CYP3A7: variants seen among roughly 807,000 people sequenced by gnomAD.
The protein encoded by CYP3A7 is cytochrome P450 family 3 subfamily A member 7.
A neutral mutation model predicts 55.2 loss-of-function variants in CYP3A7; 45 were observed. The ratio of observed to expected loss-of-function variants is 0.82; its 90% CI spans 0.64 to 1.05. The LOEUF (loss-of-function observed/expected upper bound fraction) is 1.05. CYP3A7 is among the 50% of genes least tolerant of loss of function. CYP3A7 has a pLI of 0.00. For missense variants in CYP3A7, 548 were observed against 605.3 expected (o/e 0.91, Z 0.99); for synonymous variants, 180 against 207.4 (o/e 0.87, Z 1.13).
chr7:99,707,751 A>G, intron 12 of CYP3A7, 61 bp downstream of exon 12: 1 of 1,602,156 alleles, frequency 6.2e-7, no homozygotes, highest in Non-Finnish European at 8.5e-7. Flanking sequence ...TTTTAAATAT[A>G]TAGACCATTC....
intron 11 of CYP3A7, among the ~76,000 whole-genome samples, chr7:99,708,483 TCTCCTC>T (rs1292101497): frequency 2.6e-5 from 4 of 151,852 alleles, no homozygotes; most frequent in Admixed American, 2.0e-4. Flanking sequence ...CTCTCCTCCT[TCTCCTC>T]CTTCTTCTAA....
rs774504773 is a variant in CYP3A7, at chr7:99,710,726, A to G, written c.1026+6T>C. On this transcript the variant is annotated splice_donor_region_variant and intron_variant, in intron 10 of 12. Coordinates refer to ENST00000336374, the MANE Select transcript of CYP3A7 (RefSeq NM_000765.5). ...CTCCCTCCTTCTCCATGTACTGTCC[A>G]CTCACCTTATTGGGTAAAACTGTAT... is the stretch of plus-strand genomic sequence containing the variant. 5 of 1,613,540 alleles carry G rather than the reference A, an allele frequency of 3.1e-6. No homozygotes were observed. The highest frequency in any genetic ancestry group is 4.2e-6 in the Non-Finnish European group (5 of 1,179,812).
intron 9 of CYP3A7, among the ~76,000 whole-genome samples, chr7:99,711,562 A>T (rs544060094): frequency 1.3e-5 from 2 of 152,322 alleles, no homozygotes; most frequent in East Asian, 3.9e-4. Flanking sequence ...CGAGGTCAGG[A>T]GTTCAAGACC....
Position 99,715,757 on chromosome 7 carries a change from C to T in CYP3A7, c.670+1G>A, listed in dbSNP as rs1813918658. 33 of 1,613,634 alleles carry T rather than the reference C, an allele frequency of 2.0e-5. No individual in the cohort carries two copies. The highest frequency in any genetic ancestry group is 2.8e-5 in the Non-Finnish European group (33 of 1,179,706). On this transcript the variant is annotated splice_donor_variant, in intron 7 of 12. Coordinates refer to ENST00000336374, the MANE Select transcript of CYP3A7 (RefSeq NM_000765.5). LOFTEE classifies it high-confidence loss of function. ...AGAAAAGGAAATAGTAGTCCACATACTTATTGAGAGAACGAATGGATCTAA... is the reference window on the plus strand; with the variant it reads ...AGAAAAGGAAATAGTAGTCCACATATTTATTGAGAGAACGAATGGATCTAA...
intron 3 of CYP3A7, among the ~76,000 whole-genome samples, chr7:99,721,163 A>G (rs117145664): frequency 0.011 from 1,625 of 152,302 alleles, 18 homozygotes; most frequent in Non-Finnish European, 0.015. Context: ...AGGGAACACA[A>G]TGGTTTAAGA....
intron 1 of CYP3A7, among the ~76,000 whole-genome samples, chr7:99,734,558 CT>C (rs1318161640): frequency 6.6e-6 from 1 of 151,802 alleles, no homozygotes; most frequent in African/African-American, 2.4e-5. Flanking sequence ...ATCATAACCT[CT>C]ATATGTTTGT....
chr7:99,709,963 A>G (rs1466135116), intron 10 of CYP3A7, among the ~76,000 whole-genome samples: 1 of 152,188 alleles, frequency 6.6e-6, no homozygotes, highest in Non-Finnish European at 1.5e-5. Context: ...AGAGCATGTG[A>G]TTTCAGTGCC....
chr7:99,715,642 A>C lies in CYP3A7; in HGVS notation c.670+116T>G, dbSNP rs1813913578. 3 of 1,542,418 alleles carry C rather than the reference A, an allele frequency of 1.9e-6. No homozygotes were observed. The Admixed American group carries it at 5.1e-5, about 26-fold the overall frequency. ...GATGGTCGTACATATCTTCAAATGT[A>C]CTACAAACCATTAAACTGTACATTT... On this transcript the variant is annotated intron_variant, in intron 7 of 12. Coordinates refer to ENST00000336374, the MANE Select transcript of CYP3A7 (RefSeq NM_000765.5).
intron 9 of CYP3A7, 44 bp from the exon 10 acceptor site, chr7:99,710,936 A>G (rs1813725994): frequency 6.2e-7 from 1 of 1,612,920 alleles, no homozygotes; most frequent in East Asian, 2.2e-5. Flanking sequence ...AGGTCAATGT[A>G]GGGCATCACA....
intron 2 of CYP3A7, among the ~76,000 whole-genome samples, chr7:99,723,085 A>G (rs1368524922): frequency 6.6e-6 from 1 of 152,204 alleles, no homozygotes; most frequent in Admixed American, 6.5e-5. Context: ...ATGGAAAAGA[A>G]GGTCCGAGGA....
intron 9 of CYP3A7, among the ~76,000 whole-genome samples, chr7:99,711,402 C>T (rs78676479): frequency 0.013 from 1,918 of 152,206 alleles, 26 homozygotes; most frequent in Admixed American, 0.018. Context: ...ACTTAAGAGA[C>T]CAATATTGGA....
intron 4 of CYP3A7, among the ~76,000 whole-genome samples, chr7:99,719,738 C>T (rs2151517933): frequency 6.6e-6 from 1 of 152,288 alleles, no homozygotes; most frequent in African/African-American, 2.4e-5. Context: ...CTTGATCATG[C>T]TGGTCATTGC....
At chr7:99,716,094 G>C (rs1369386158) in intron 6 of CYP3A7, among the ~76,000 whole-genome samples, 188 bp from the exon 7 acceptor site, 3 of 152,176 alleles carry the variant, frequency 2.0e-5, no homozygotes, top group Non-Finnish European at 4.4e-5. Context: ...TGACACAGCT[G>C]GCTCTCCGCT....
chr7:99,728,779 C>T (rs1449723456), intron 2 of CYP3A7, among the ~76,000 whole-genome samples: 1 of 152,158 alleles, frequency 6.6e-6, no homozygotes, highest in Non-Finnish European at 1.5e-5. Context: ...TTTCTGCTTC[C>T]ACTATTGCCC....
At chr7:99,732,993 A>G (rs1814683772) in intron 1 of CYP3A7, among the ~76,000 whole-genome samples, 1 of 152,204 alleles carries the variant, frequency 6.6e-6, no homozygotes, top group African/African-American at 2.4e-5. Flanking sequence ...AGTGACTCTG[A>G]TAATATGTGG....
At chr7:99,708,954 G>A (rs557050442) in intron 11 of CYP3A7, 81 bp downstream of exon 11, 1 of 1,472,886 alleles carries the variant, frequency 6.8e-7, no homozygotes, top group Non-Finnish European at 9.5e-7. Flanking sequence ...GATTGTACAA[G>A]CCCAGACTGT....
Position 99,705,253 on chromosome 7 carries a change from A to G in CYP3A7, c.*247T>C, listed in dbSNP as rs769361752. The G allele has an allele frequency of 3.8e-5, 16 of 425,176 alleles. No homozygotes were observed. Among genetic ancestry groups the G allele is most frequent in the Admixed American group, 1.5e-4 (4 of 26,572 alleles). 26.3% of individuals were successfully genotyped at this position (425,176 alleles called of 1,614,324 possible). ...AACTGGGGGTGGTGGAGATAGTCCTATGAGAAGCAGAGAAGCCAAATCTAC... is the reference window on the plus strand; with the variant it reads ...AACTGGGGGTGGTGGAGATAGTCCTGTGAGAAGCAGAGAAGCCAAATCTAC... On this transcript the variant is annotated 3_prime_UTR_variant, in exon 13 of 13. Coordinates refer to ENST00000336374, the MANE Select transcript of CYP3A7 (RefSeq NM_000765.5).
At chr7:99,719,855 G>C (rs571805092) in intron 4 of CYP3A7, among the ~76,000 whole-genome samples, 6 of 152,096 alleles carry the variant, frequency 3.9e-5, no homozygotes, top group Non-Finnish European at 7.3e-5. Flanking sequence ...AAAATTAGTA[G>C]GGCGTGGTGG....
At chr7:99,717,447 A>G in intron 5 of CYP3A7, 79 bp downstream of exon 5, 1 of 1,594,474 alleles carries the variant, frequency 6.3e-7, no homozygotes, top group Non-Finnish European at 8.6e-7. Flanking sequence ...CTCGGAAAGG[A>G]ACTCTGATCT....
Sources: allele counts gnomAD v4.1 joint callset (sites outside exome capture counted in the v4.1 genomes callset), GRCh38; gene constraint gnomAD v4.1.1; transcripts MANE v1.5; gene names NCBI Gene and HGNC (gene_info 2026-07-23, HGNC 2026-07-21).